The following MYO6 variants were observed in gnomAD, a reference collection of about 807,000 sequenced individuals.
The protein encoded by MYO6 is unconventional myosin-VI.
A neutral mutation model predicts 178.7 loss-of-function variants in MYO6; 74 were observed. The observed-to-expected ratio is 0.41, with a 90% CI of 0.34 to 0.50. The LOEUF (loss-of-function observed/expected upper bound fraction) is 0.50, where lower values mean the gene tolerates loss of function less well. Ranked by LOEUF, MYO6 falls within the 20% of genes least tolerant of loss-of-function variation. The probability of loss-of-function intolerance (pLI) is 0.09; values close to 1 mark genes in which losing one functional copy is unlikely to be tolerated. For missense variants in MYO6, 1,330 were observed against 1,547.4 expected (o/e 0.86, Z 2.36); for synonymous variants, 477 against 504.6 (o/e 0.95, Z 0.73).
chr6:75,786,830 C>G (rs566319158), intron 1 of MYO6, among the ~76,000 whole-genome samples: 1 of 152,126 alleles, frequency 6.6e-6, no homozygotes, highest in South Asian at 2.1e-4. Context: ...TGTCCCTTTA[C>G]CCCTAAACAC....
intron 30 of MYO6, among the ~76,000 whole-genome samples, chr6:75,906,268 T>G (rs1456436881): frequency 2.0e-5 from 3 of 152,228 alleles, no homozygotes; most frequent in Non-Finnish European, 4.4e-5. Flanking sequence ...TCTTGCAGCT[T>G]ATTCTGAGTG....
chr6:75,833,622 G>T (rs1773346051), intron 6 of MYO6, among the ~76,000 whole-genome samples: 1 of 152,184 alleles, frequency 6.6e-6, no homozygotes, highest in South Asian at 2.1e-4. Context: ...CCATGTTGTA[G>T]TATGTGTCAG....
intron 25 of MYO6, 100 bp from the exon 26 acceptor site, chr6:75,889,957 C>A: frequency 4.5e-6 from 4 of 896,234 alleles, no homozygotes; most frequent in Admixed American, 2.3e-5. Flanking sequence ...TTTATCTTAG[C>A]CATTTTTCAG....
chr6:75,879,419 ATTTT>A (rs34598660), intron 20 of MYO6, among the ~76,000 whole-genome samples: 1 of 126,396 alleles, frequency 7.9e-6, no homozygotes. Context: ...TGATTTCTCT[ATTTT>A]TTTTTTTTTT....
chr6:75,783,716 T>G (rs1767228333), intron 1 of MYO6, among the ~76,000 whole-genome samples: 1 of 152,190 alleles, frequency 6.6e-6, no homozygotes, highest in Non-Finnish European at 1.5e-5. Context: ...AGGATCCACC[T>G]ATCATTTTGA....
chr6:75,884,924 C>T (rs1178939929), intron 23 of MYO6, among the ~76,000 whole-genome samples: 1 of 152,132 alleles, frequency 6.6e-6, no homozygotes, highest in African/African-American at 2.4e-5. Context: ...GGCTCCTAAA[C>T]CGTAATTTCT....
intron 1 of MYO6, among the ~76,000 whole-genome samples, chr6:75,804,879 TAC>T (rs150338576): frequency 4.8e-4 from 70 of 146,818 alleles, no homozygotes; most frequent in South Asian, 3.0e-3. Context: ...CATATATATA[TAC>T]ACACACACAC....
In MYO6 at chr6:75,787,153, AT is replaced by A. The variant is rs201669470; in HGVS notation, c.-47-30342del. ...CTACACACCCACTAGAAAGGCTAAA[AT>A]TTTTTACACTTATACTACTAAATGC... On this transcript the variant is annotated intron_variant, in intron 1 of 34. Transcript: ENST00000369977. Among the ~76,000 whole-genome samples the A allele has an allele frequency of 5.8e-4, 89 of 152,270 alleles. 1 individual carries two copies. In the East Asian group the frequency reaches 0.016, roughly 28 times the overall value.
At chr6:75,816,487 G>A (rs552480847) in intron 1 of MYO6, among the ~76,000 whole-genome samples, 31 of 152,342 alleles carry the variant, frequency 2.0e-4, no homozygotes, top group Admixed American at 7.8e-4. Flanking sequence ...CATTCTAGGC[G>A]TAAGCTACCA....
chr6:75,842,039 A>G (rs927174145), intron 9 of MYO6, among the ~76,000 whole-genome samples: 1 of 152,218 alleles, frequency 6.6e-6, no homozygotes, highest in Non-Finnish European at 1.5e-5. Context: ...AATTAATATT[A>G]ATAAAGGACA....
intron 28 of MYO6, among the ~76,000 whole-genome samples, chr6:75,894,524 A>G (rs1562296506): frequency 6.6e-6 from 1 of 152,104 alleles, no homozygotes; most frequent in Non-Finnish European, 1.5e-5. Context: ...CGTCGTGGTT[A>G]TTTTATACTG....
rs1411725790 is a variant in MYO6 at position 75,904,726 on chromosome 6, C to T, written c.3177-2879C>T. Among the ~76,000 whole-genome samples, 3 of 152,214 alleles carry T rather than the reference C, an allele frequency of 2.0e-5. No individual in the cohort carries two copies. The East Asian group carries it at 5.8e-4, about 29-fold the overall frequency. Reference sequence around the variant, plus strand: ...GTCGTCTGAAGCCTTCTTCTCTCAGCTCGTCAAAGTCATTCTCCGTCCAGC... The same window carrying T: ...GTCGTCTGAAGCCTTCTTCTCTCAGTTCGTCAAAGTCATTCTCCGTCCAGC... On this transcript the variant is annotated intron_variant, in intron 30 of 34. Coordinates refer to ENST00000369977, the MANE Select transcript of MYO6 (RefSeq NM_004999.4).
At position 75,788,917 on chromosome 6, in the gene MYO6, G is replaced by A. The variant is rs563008012; in HGVS notation, c.-47-28584G>A. Among the ~76,000 whole-genome samples the A allele has an allele frequency of 7.9e-5, 12 of 152,222 alleles. No individual in the cohort carries two copies. In the South Asian group the frequency reaches 1.0e-3, roughly 13 times the overall value. ...TAAGGAATTGAGGAAAGAAATAAGC[G>A]TTTGTCATGCTATTAAACAAATTTT... On this transcript the variant is annotated intron_variant, in intron 1 of 34. Transcript: ENST00000369977.
At chr6:75,908,713 C>T in intron 32 of MYO6, 86 bp downstream of exon 32, 2 of 1,441,872 alleles carry the variant, frequency 1.4e-6, no homozygotes, top group Non-Finnish European at 1.9e-6. Flanking sequence ...GTAAAATGTC[C>T]CATATAAATT....
At chr6:75,836,775 GT>G (rs1289741476) in intron 7 of MYO6, among the ~76,000 whole-genome samples, 1 of 151,980 alleles carries the variant, frequency 6.6e-6, no homozygotes, top group Non-Finnish European at 1.5e-5. Context: ...TAGAGATGGG[GT>G]TTCACCATGT....
In MYO6 at chr6:75,881,744, T is replaced by A. The variant is rs750880162; in HGVS notation, c.2342T>A (p.Val781Asp). The change falls in exon 23 of 35, where the codon GTT (valine) becomes GAT (aspartate). Residue 781 changes from valine (V) to aspartate (D), a missense_variant. Coordinates refer to ENST00000369977, the MANE Select transcript of MYO6 (RefSeq NM_004999.4). Reference protein sequence around the residue: ...KSDPDHLAELVKRVNHWLTCS... With the variant: ...KSDPDHLAELDKRVNHWLTCS... ...GACCCTGACCACTTAGCAGAGTTGG[T>A]TAAAAGAGTCAATCACTGGCTCACA... 48 of 1,613,916 alleles carry A rather than the reference T, an allele frequency of 3.0e-5. 1 individual carries two copies. The South Asian group carries it at 5.1e-4, about 17-fold the overall frequency.
chr6:75,797,769 A>G (rs1769018783), intron 1 of MYO6, among the ~76,000 whole-genome samples: 1 of 152,078 alleles, frequency 6.6e-6, no homozygotes, highest in Non-Finnish European at 1.5e-5. Context: ...CCTGACCTCA[A>G]GTGATCTGCC....
Position 75,862,647 on chromosome 6 carries a change from A to G in MYO6, c.1598A>G (p.Asn533Ser). 6.2e-7 allele frequency: 1 copy of G among 1,614,054 alleles called. No individual in the cohort carries two copies. The part of the protein sequence containing the change: ...VGILDILDEE[N>S]RLPQPSDQHF... ...ATACTGGATATTTTGGATGAAGAAA[A>G]TCGCCTTCCCCAGCCAAGTGATCAA... Residue 533 changes from asparagine to serine, a missense_variant, in exon 16 of 35, where the codon AAT becomes AGT. Around this residue, in one of 3 missense-constraint regions of MYO6, gnomAD observed 613 missense variants for 816.8 expected, o/e 0.75. Transcript: ENST00000369977.
chr6:75,883,431 T>C (rs947989020), intron 23 of MYO6, among the ~76,000 whole-genome samples: 4 of 152,196 alleles, frequency 2.6e-5, no homozygotes, highest in African/African-American at 9.6e-5. Context: ...TCTTGGAGAA[T>C]ATGTTCATAT....
Sources: gnomAD v4.1 joint callset for allele counts (sites outside exome capture counted in the v4.1 genomes callset) on GRCh38, gnomAD v4.1.1 for gene constraint, gnomAD v4.1.1 regional missense constraint, MANE v1.5 for transcripts, NCBI Gene and HGNC (gene_info 2026-07-23, HGNC 2026-07-21) for gene names.